Variants in PCGF6 observed in about 807,000 individuals in gnomAD.
PCGF6 encodes polycomb group ring finger 6, also known as polycomb group RING finger protein 6.
PCGF6 carries 24 observed loss-of-function variants against 45.5 expected under a neutral mutation model. That is an observed-to-expected ratio of 0.53 (90% CI 0.38 to 0.74). The LOEUF (loss-of-function observed/expected upper bound fraction) is 0.74. Ranked by LOEUF, PCGF6 falls within the 30% of genes least tolerant of loss-of-function variation. PCGF6 has a pLI of 0.00. For synonymous variants in PCGF6, 152 were observed against 162.1 expected (o/e 0.94, Z 0.47); for missense variants, 356 against 443.2 (o/e 0.80, Z 1.77).
chr10:103,333,463 T>C (rs1239768359), intron 7 of PCGF6, among the ~76,000 whole-genome samples: 1 of 152,190 alleles, frequency 6.6e-6, no homozygotes, highest in Admixed American at 6.6e-5. Flanking sequence ...GTAGTAACAC[T>C]GTATACAATG....
chr10:103,333,418 T>C lies in PCGF6; in HGVS notation c.810+507A>G, dbSNP rs560915879. Among the ~76,000 whole-genome samples, 3 of 152,294 alleles carry C rather than the reference T, an allele frequency of 2.0e-5. No individual in the cohort carries two copies. In the East Asian group the frequency reaches 5.8e-4, roughly 29 times the overall value. Reference sequence around the variant, plus strand: ...CTATAAGGTCTGATTTACCCCTTTTTAAAAAGTTACCTTTTCCTGATGACT... The same window carrying C: ...CTATAAGGTCTGATTTACCCCTTTTCAAAAAGTTACCTTTTCCTGATGACT... On this transcript the variant is annotated intron_variant, in intron 7 of 9. Transcript: ENST00000369847.
chr10:103,336,661 G>A (rs901233728), intron 6 of PCGF6, among the ~76,000 whole-genome samples: 1 of 152,112 alleles, frequency 6.6e-6, no homozygotes, highest in African/African-American at 2.4e-5. Flanking sequence ...GATCGCTTGA[G>A]GTCAGGAGTT....
Position 103,351,071 on chromosome 10 carries a change from G to C in PCGF6, c.-5C>G, listed in dbSNP as rs766781705. On this transcript the variant is annotated 5_prime_UTR_variant, in exon 1 of 10. Transcript: ENST00000369847. Reference sequence around the variant, plus strand: ...CACCACCGCGACCCCCTCCATGGTCGGGAGAGACACCAGGCGAGGCGAGGC... The same window carrying C: ...CACCACCGCGACCCCCTCCATGGTCCGGAGAGACACCAGGCGAGGCGAGGC... 5.8e-6 allele frequency: 8 copies of C among 1,381,088 alleles called. No individual in the cohort carries two copies. Among genetic ancestry groups the C allele is most frequent in the African/African-American group, 1.5e-5 (1 of 66,712 alleles). The allele number at this position is 1,381,088 out of a possible 1,614,324, so 85.6% of individuals were successfully genotyped here.
intron 9 of PCGF6, among the ~76,000 whole-genome samples, chr10:103,309,783 T>A (rs1451454609): frequency 6.6e-6 from 1 of 151,686 alleles, no homozygotes; most frequent in Non-Finnish European, 1.5e-5. Flanking sequence ...TTAAAAAAAA[T>A]AGCCAGATGT....
At chr10:103,341,389 T>C (rs996745901) in intron 6 of PCGF6, among the ~76,000 whole-genome samples, 5 of 151,410 alleles carry the variant, frequency 3.3e-5, no homozygotes, top group African/African-American at 1.2e-4. Context: ...CCCAAGTAGG[T>C]AGGACTAAAG....
At chr10:103,311,396 C>T (rs1002228427) in intron 9 of PCGF6, among the ~76,000 whole-genome samples, 1 of 151,610 alleles carries the variant, frequency 6.6e-6, no homozygotes, top group Non-Finnish European at 1.5e-5. Context: ...CCCGTCTCTG[C>T]CTTCCAAAGT....
chr10:103,308,812 G>A (rs929271893), intron 9 of PCGF6, among the ~76,000 whole-genome samples: 3 of 151,996 alleles, frequency 2.0e-5, no homozygotes, highest in Non-Finnish European at 2.9e-5. Context: ...GGCAGAGGTT[G>A]CAGTGAGCCT....
intron 7 of PCGF6, among the ~76,000 whole-genome samples, chr10:103,332,293 T>G (rs1300917625): frequency 1.3e-5 from 2 of 152,092 alleles, no homozygotes. Flanking sequence ...ATCTTTTCTG[T>G]TTTTAAGACA....
At chr10:103,335,324 A>C (rs1211001620) in intron 6 of PCGF6, among the ~76,000 whole-genome samples, 1 of 151,070 alleles carries the variant, frequency 6.6e-6, no homozygotes, top group Non-Finnish European at 1.5e-5. Context: ...CAAATGCTGG[A>C]ATTACAGGTG....
chr10:103,317,826 G>A (rs1422916718), intron 8 of PCGF6, among the ~76,000 whole-genome samples: 4 of 151,242 alleles, frequency 2.6e-5, no homozygotes, highest in African/African-American at 9.7e-5. Flanking sequence ...ACGCAACCTT[G>A]GCTCACTGCA....
At chr10:103,307,960 G>T (rs1457992274) in intron 9 of PCGF6, among the ~76,000 whole-genome samples, 1 of 152,148 alleles carries the variant, frequency 6.6e-6, no homozygotes, top group Non-Finnish European at 1.5e-5. Context: ...TTTTGGCCAG[G>T]CATGCTGGCT....
chr10:103,332,023 A>G lies in PCGF6; in HGVS notation c.810+1902T>C, dbSNP rs562912679. 5.9e-5 allele frequency among the ~76,000 whole-genome samples: 9 copies of G among 151,852 alleles called. No homozygotes were observed. The South Asian group carries it at 1.9e-3, about 32-fold the overall frequency. On this transcript the variant is annotated intron_variant, in intron 7 of 9. Coordinates refer to ENST00000369847, the MANE Select transcript of PCGF6 (RefSeq NM_001011663.2). Reference sequence around the variant, plus strand: ...TAGCCAGGATGGTCTTGATCTCCTGACCTCGTAATCTGCCCACCTCGGCCT... The same window carrying G: ...TAGCCAGGATGGTCTTGATCTCCTGGCCTCGTAATCTGCCCACCTCGGCCT...
chr10:103,351,123 G>A lies in PCGF6; in HGVS notation c.-57C>T. On this transcript the variant is annotated 5_prime_UTR_variant, in exon 1 of 10. Coordinates refer to ENST00000369847, the MANE Select transcript of PCGF6 (RefSeq NM_001011663.2). ...GCGGGAGAGCGCGGGAGTTCGGCCG[G>A]CCTCGGACGCCACCACTGCGCAGGC... The A allele has an allele frequency of 7.5e-7, 1 of 1,329,772 alleles. No individual in the cohort carries two copies. Among genetic ancestry groups the A allele is most frequent in the Non-Finnish European group, 9.6e-7 (1 of 1,038,408 alleles). The allele number at this position is 1,329,772 out of a possible 1,614,324, so 82.4% of individuals were successfully genotyped here.
At chr10:103,342,372 T>C (rs2093284119) in intron 6 of PCGF6, among the ~76,000 whole-genome samples, 1 of 152,018 alleles carries the variant, frequency 6.6e-6, no homozygotes, top group East Asian at 1.9e-4. Context: ...TAGCTGGGAC[T>C]ACAGGCACCT....
intron 8 of PCGF6, among the ~76,000 whole-genome samples, chr10:103,318,400 G>T (rs1360678223): frequency 1.4e-5 from 2 of 145,080 alleles, no homozygotes; most frequent in African/African-American, 5.1e-5. Context: ...CCGAGATCGC[G>T]CCACTGCACT....
At chr10:103,305,878 C>G (rs1592051769) in intron 9 of PCGF6, among the ~76,000 whole-genome samples, 2 of 150,844 alleles carry the variant, frequency 1.3e-5, no homozygotes, top group African/African-American at 4.9e-5. Flanking sequence ...TGAAACTCCC[C>G]CTCTCTACTT....
chr10:103,326,125 C>CG (rs2093217298), intron 8 of PCGF6, among the ~76,000 whole-genome samples: 1 of 152,028 alleles, frequency 6.6e-6, no homozygotes, highest in African/African-American at 2.4e-5. Context: ...TGTCCAGGCG[C>CG]GGTGGCTCAT....
intron 6 of PCGF6, among the ~76,000 whole-genome samples, chr10:103,339,250 C>T (rs965084303): frequency 6.6e-6 from 1 of 151,734 alleles, no homozygotes; most frequent in Non-Finnish European, 1.5e-5. Flanking sequence ...ATTAGCTGGG[C>T]ATGATGGTGT....
chr10:103,350,232 G>C (rs1370292262), intron 1 of PCGF6, among the ~76,000 whole-genome samples: 1 of 146,578 alleles, frequency 6.8e-6, no homozygotes, highest in Non-Finnish European at 1.5e-5. Flanking sequence ...AGGAGTTCGA[G>C]AACAGCCTGG....
Sources: allele counts gnomAD v4.1 joint callset (sites outside exome capture counted in the v4.1 genomes callset), GRCh38; gene constraint gnomAD v4.1.1; transcripts MANE v1.5; gene names NCBI Gene and HGNC (gene_info 2026-07-23, HGNC 2026-07-21).